MAP2: variants seen among roughly 807,000 people sequenced by gnomAD.
The protein encoded by MAP2 is microtubule associated protein 2, also known as microtubule-associated protein 2.
Under a neutral mutation model 137.6 loss-of-function variants are expected in MAP2, and 14 were observed. The observed-to-expected ratio is 0.10, with a 90% CI of 0.07 to 0.16. The LOEUF is 0.16. Ranked by LOEUF, MAP2 falls within the 10% of genes least tolerant of loss-of-function variation. The pLI is 1.00. For missense variants in MAP2, 2,088 were observed against 2,191.5 expected (o/e 0.95, Z 0.94); for synonymous variants, 786 against 782.3 (o/e 1.00, Z -0.08).
intron 1 of MAP2, among the ~76,000 whole-genome samples, chr2:209,459,859 A>G (rs1702353701): frequency 6.6e-6 from 1 of 152,074 alleles, no homozygotes; most frequent in African/African-American, 2.4e-5. Flanking sequence ...TGACTATTCC[A>G]TGGAGCTTCT....
intron 5 of MAP2, among the ~76,000 whole-genome samples, chr2:209,676,403 A>G (rs746367868): frequency 1.5e-4 from 23 of 151,766 alleles, no homozygotes; most frequent in African/African-American, 5.6e-4. Context: ...GAGGATTGGA[A>G]GAGGGAGAGG....
At chr2:209,538,146 C>T (rs2066277053) in intron 2 of MAP2, among the ~76,000 whole-genome samples, 1 of 152,062 alleles carries the variant, frequency 6.6e-6, no homozygotes, top group African/African-American at 2.4e-5. Flanking sequence ...GCTGAGGAGA[C>T]TTTGAATTTT....
At chr2:209,719,045 GAA>G (rs1198464097) in intron 13 of MAP2, among the ~76,000 whole-genome samples, 5 of 152,294 alleles carry the variant, frequency 3.3e-5, no homozygotes, top group African/African-American at 1.2e-4. Flanking sequence ...GAAAGAGAGA[GAA>G]AGTATTTTCA....
At chr2:209,601,993 C>T (rs2083158442) in intron 3 of MAP2, among the ~76,000 whole-genome samples, 1 of 152,154 alleles carries the variant, frequency 6.6e-6, no homozygotes, top group African/African-American at 2.4e-5. Context: ...TTTAATAAAG[C>T]CCTCTTTGCA....
rs2075876074 is a variant in MAP2, at chr2:209,732,310, T to C, written c.*1913T>C. 1 of 152,224 alleles carries C rather than the reference T, an allele frequency of 6.6e-6. No individual in the cohort carries two copies. Among genetic ancestry groups the C allele is most frequent in the South Asian group, 2.1e-4 (1 of 4,832 alleles). 9.4% of individuals were successfully genotyped at this position (152,224 alleles called of 1,614,324 possible). On this transcript the variant is annotated 3_prime_UTR_variant, in exon 16 of 16. Coordinates refer to ENST00000682079, the MANE Select transcript of MAP2 (RefSeq NM_001375505.1). ...GACCCAGTGGATATGGCAACCAGTG[T>C]AACTGCCATACAAGAAACCCTAGGA...
intron 3 of MAP2, among the ~76,000 whole-genome samples, chr2:209,613,260 TTTA>T (rs2087679546): frequency 1.4e-5 from 2 of 145,168 alleles, no homozygotes; most frequent in African/African-American, 4.9e-5. Context: ...TTTTTATTTA[TTTA>T]TTTATTTATT....
chr2:209,621,556 A>G (rs12694187), intron 3 of MAP2, among the ~76,000 whole-genome samples: 10,126 of 151,948 alleles, frequency 0.067, 809 homozygotes, highest in South Asian at 0.23. Flanking sequence ...ACCACGCCCG[A>G]CTGATGTTTT....
chr2:209,448,054 G>C (rs1213559094), intron 1 of MAP2, among the ~76,000 whole-genome samples: 3 of 152,034 alleles, frequency 2.0e-5, no homozygotes, highest in Non-Finnish European at 4.4e-5. Flanking sequence ...CAAAAGTTTT[G>C]AAAGCACGGC....
At chr2:209,646,916 T>C (rs2094455758) in intron 4 of MAP2, among the ~76,000 whole-genome samples, 1 of 152,226 alleles carries the variant, frequency 6.6e-6, no homozygotes, top group Non-Finnish European at 1.5e-5. Flanking sequence ...CATTCTCACA[T>C]TGCTATAAAG....
intron 3 of MAP2, among the ~76,000 whole-genome samples, chr2:209,611,865 A>G (rs2086999341): frequency 6.6e-6 from 1 of 152,196 alleles, no homozygotes; most frequent in Non-Finnish European, 1.5e-5. Context: ...AATTTGCTCC[A>G]AGTTGTTACA....
intron 1 of MAP2, among the ~76,000 whole-genome samples, chr2:209,438,387 A>C (rs1696894849): frequency 6.6e-6 from 1 of 151,672 alleles, no homozygotes; most frequent in Non-Finnish European, 1.5e-5. Flanking sequence ...AAAATATTTC[A>C]AAAACATGAG....
chr2:209,684,862 G>A (rs1319209965), intron 7 of MAP2, among the ~76,000 whole-genome samples: 1 of 152,100 alleles, frequency 6.6e-6, no homozygotes, highest in Non-Finnish European at 1.5e-5. Context: ...CAAACTAACT[G>A]TTGTGAAATA....
chr2:209,556,662 TAA>T (rs111264428), intron 2 of MAP2, among the ~76,000 whole-genome samples: 3,848 of 108,416 alleles, frequency 0.035, 185 homozygotes, highest in African/African-American at 0.12. Context: ...TCTGGCCTAT[TAA>T]AAAAAAAAAA....
intron 2 of MAP2, among the ~76,000 whole-genome samples, chr2:209,556,940 G>A (rs2070829195): frequency 6.6e-6 from 1 of 151,902 alleles, no homozygotes; most frequent in Non-Finnish European, 1.5e-5. Context: ...GAAATACAGA[G>A]TTAAGTGCTA....
chr2:209,641,275 C>A (rs2094003344), intron 4 of MAP2, among the ~76,000 whole-genome samples: 1 of 152,064 alleles, frequency 6.6e-6, no homozygotes, highest in East Asian at 1.9e-4. Context: ...TGAACCTGGA[C>A]CAAGTCTGAC....
intron 2 of MAP2, among the ~76,000 whole-genome samples, chr2:209,536,446 A>G (rs1433200882): frequency 6.6e-6 from 1 of 152,198 alleles, no homozygotes; most frequent in Non-Finnish European, 1.5e-5. Context: ...AAAGAAAAAA[A>G]GTTTTCTTGA....
At chr2:209,542,076 A>T (rs1270083069) in intron 2 of MAP2, among the ~76,000 whole-genome samples, 1 of 152,216 alleles carries the variant, frequency 6.6e-6, no homozygotes, top group Non-Finnish European at 1.5e-5. Context: ...CTTAAATAAG[A>T]CGTGAAAGTC....
At chr2:209,549,648 T>A (rs948560709) in intron 2 of MAP2, among the ~76,000 whole-genome samples, 16 of 152,336 alleles carry the variant, frequency 1.1e-4, no homozygotes, top group Admixed American at 9.2e-4. Context: ...TTGAAGCATA[T>A]TGTTTTCTTC....
chr2:209,575,625 A>G (rs2075256141), intron 2 of MAP2, among the ~76,000 whole-genome samples: 1 of 151,926 alleles, frequency 6.6e-6, no homozygotes, highest in Non-Finnish European at 1.5e-5. Flanking sequence ...AATAGGGAAG[A>G]CAATATGGAA....
Sources: gnomAD v4.1 joint callset for allele counts (sites outside exome capture counted in the v4.1 genomes callset) on GRCh38, gnomAD v4.1.1 for gene constraint, MANE v1.5 for transcripts, NCBI Gene and HGNC (gene_info 2026-07-23, HGNC 2026-07-21) for gene names.